Variants in PCDHGA11 observed in about 807,000 individuals in gnomAD.
The protein encoded by PCDHGA11 is protocadherin gamma subfamily A, 11.
Under a neutral mutation model 60.4 loss-of-function variants are expected in PCDHGA11, and 39 were observed. The observed-to-expected ratio is 0.65, with a 90% CI of 0.50 to 0.84. The LOEUF (loss-of-function observed/expected upper bound fraction) is 0.84. Ranked by LOEUF, PCDHGA11 falls within the 40% of genes least tolerant of loss-of-function variation. PCDHGA11 has a pLI of 0.00. For synonymous variants in PCDHGA11, 533 were observed against 510.3 expected (o/e 1.04, Z -0.60); for missense variants, 1,165 against 1,197.7 (o/e 0.97, Z 0.40).
rs770391604 is a variant in PCDHGA11, at chr5:141,431,437, G to A, written c.2433+7777G>A. On this transcript the variant is annotated intron_variant, in intron 1 of 3. Coordinates refer to ENST00000398587, the MANE Select transcript of PCDHGA11 (RefSeq NM_018914.3). The surrounding 1 kb of genome is among the most constrained non-coding windows in gnomAD (Gnocchi z 4.8). ...GCGACCCGGTGCGCACAGGCACCGC[G>A]CGCATCCGCGTGATGGTTCTGGATG... The A allele has an allele frequency of 7.4e-6, 12 of 1,613,710 alleles. No homozygotes were observed. In the East Asian group the frequency reaches 2.5e-4, roughly 33 times the overall value.
At position 141,491,052 on chromosome 5, in the gene PCDHGA11, G is replaced by A. The variant is rs2099707642; in HGVS notation, c.2434-3755G>A. ...ATGCTGATGCAGGCCACAATGCGTG[G>A]CTCTCCTACTCACTGTTGCCACAGT... On this transcript the variant is annotated intron_variant, in intron 1 of 3. Transcript: ENST00000398587. The surrounding 1 kb of genome is among the most constrained non-coding windows in gnomAD (Gnocchi z 6.9). 3.1e-6 allele frequency: 5 copies of A among 1,614,038 alleles called. No individual in the cohort carries two copies. The highest frequency in any genetic ancestry group is 4.2e-6 in the Non-Finnish European group (5 of 1,180,032).
At chr5:141,502,914 T>G (rs78646636) in intron 2 of PCDHGA11, among the ~76,000 whole-genome samples, 4,865 of 139,540 alleles carry the variant, frequency 0.035, 119 homozygotes, top group South Asian at 0.075. Flanking sequence ...CAGGCTGGAG[T>G]GCAGTGGCAA....
chr5:141,435,718 G>T (rs2097776232), intron 1 of PCDHGA11, among the ~76,000 whole-genome samples: 1 of 152,150 alleles, frequency 6.6e-6, no homozygotes, highest in African/African-American at 2.4e-5. Context: ...GACACTGAAT[G>T]CTAAAGTGTA....
rs1174072440 is a variant in PCDHGA11, at chr5:141,438,581, TACATACATAC to T, written c.2433+14923_2433+14932del. Among the ~76,000 whole-genome samples, 141 of 49,790 alleles carry T rather than the reference TACATACATAC, an allele frequency of 2.8e-3. 1 individual carries two copies. Among genetic ancestry groups the T allele is most frequent in the African/African-American group, 0.014 (97 of 6,866 alleles). 32.7% of individuals were successfully genotyped at this position (49,790 alleles called of 152,430 possible). A position where few individuals can be genotyped will look rare whatever the true frequency, so the allele number is the denominator to read the frequency against. On this transcript the variant is annotated intron_variant, in intron 1 of 3. Coordinates refer to ENST00000398587, the MANE Select transcript of PCDHGA11 (RefSeq NM_018914.3). ...GAGGCAGCTGTCTGATATACATACA[TACATACATAC>T]ATATATATATATATATATATATATA...
intron 3 of PCDHGA11, among the ~76,000 whole-genome samples, chr5:141,505,976 A>G (rs911235674): frequency 1.3e-5 from 2 of 152,136 alleles, no homozygotes; most frequent in Admixed American, 1.3e-4. Context: ...CCCAGCCGAG[A>G]GAACACCTCC....
Position 141,431,758 on chromosome 5 carries a change from C to T in PCDHGA11, c.2433+8098C>T. Reference sequence around the variant, plus strand: ...CAGGATATTCTGCGCGAGCCAAAGTCCTGATCACTGTTCTGGACGTGAACG... The same window carrying T: ...CAGGATATTCTGCGCGAGCCAAAGTTCTGATCACTGTTCTGGACGTGAACG... On this transcript the variant is annotated intron_variant, in intron 1 of 3. Transcript: ENST00000398587. This position sits in a 1 kb window ranked among gnomAD's most constrained non-coding sequence, Gnocchi z 4.8. 1.9e-6 allele frequency: 3 copies of T among 1,614,172 alleles called. No homozygotes were observed. The highest frequency in any genetic ancestry group is 1.7e-6 in the Non-Finnish European group (2 of 1,180,020).
intron 1 of PCDHGA11, among the ~76,000 whole-genome samples, chr5:141,466,183 T>G (rs145148468): frequency 2.0e-5 from 3 of 152,138 alleles, no homozygotes; most frequent in Middle Eastern, 3.4e-3. Flanking sequence ...TATTTTTATT[T>G]TTTTTCAGAC....
chr5:141,462,268 A>C (rs982301403), intron 1 of PCDHGA11, among the ~76,000 whole-genome samples: 3 of 152,196 alleles, frequency 2.0e-5, no homozygotes, highest in African/African-American at 7.2e-5. Flanking sequence ...CCTAAAGTGT[A>C]TTGTTTAGTC....
intron 1 of PCDHGA11, among the ~76,000 whole-genome samples, chr5:141,472,497 G>A (rs1196427013): frequency 1.3e-5 from 2 of 151,958 alleles, no homozygotes; most frequent in Non-Finnish European, 2.9e-5. Context: ...ACGAGATCGT[G>A]CCACTGCACT....
rs370704205 is a variant in PCDHGA11, at chr5:141,422,166, T to C, written c.939T>C (p.Tyr313=). 4.5e-6 allele frequency: 7 copies of C among 1,569,374 alleles called. No individual in the cohort carries two copies. In the South Asian group the frequency reaches 8.5e-5, roughly 19 times the overall value. ...GGGGGTCTCTGGATTTTGAAAAATA[T>C]AGATTCTATGAGATGGAAATTCAAG... The part of the protein sequence containing the change: ...QVRGSLDFEK[Y]RFYEMEIQGQ... The change falls in exon 1 of 4, where the codon TAT becomes TAC. Residue 313 remains tyrosine (Y), a synonymous_variant. Coordinates refer to ENST00000398587, the MANE Select transcript of PCDHGA11 (RefSeq NM_018914.3).
chr5:141,423,251 A>T lies in PCDHGA11; in HGVS notation c.2024A>T (p.Asp675Val). Residue 675 changes from aspartate (D) to valine (V), a missense_variant, in exon 1 of 4, where the codon GAC becomes GTC. Physicochemically the swap from Asp to Val is radical, Grantham distance 152. Coordinates refer to ENST00000398587, the MANE Select transcript of PCDHGA11 (RefSeq NM_018914.3). ...VADSIPEVLA[D>V]LGSLESLANS... ...GACAGCATCCCCGAAGTCCTGGCGG[A>T]CCTCGGCAGCCTCGAGTCTCTGGCT... 6.2e-7 allele frequency: 1 copy of T among 1,613,844 alleles called. No homozygotes were observed. Among genetic ancestry groups the T allele is most frequent in the East Asian group, 2.2e-5 (1 of 44,862 alleles).
rs2096739583 is a variant in PCDHGA11, at chr5:141,423,427, G to T, written c.2200G>T (p.Ala734Ser). 1 of 1,613,892 alleles carries T rather than the reference G, an allele frequency of 6.2e-7. No homozygotes were observed. The highest frequency in any genetic ancestry group is 8.5e-7 in the Non-Finnish European group (1 of 1,179,920). Residue 734 changes from alanine to serine, a missense_variant, in exon 1 of 4, where the codon GCA becomes TCA. Coordinates refer to ENST00000398587, the MANE Select transcript of PCDHGA11 (RefSeq NM_018914.3). ...GCTGCAGGCTTCTGAAGGCGGGTTG[G>T]CAGGTATGCCCACGTCACATTTTGT... ...RLLQASEGGL[A>S]GMPTSHFVGV...
Position 141,422,775 on chromosome 5 carries a change from T to G in PCDHGA11, c.1548T>G (p.Tyr516Ter), listed in dbSNP as rs1179216247. Reference protein sequence around the residue: ...VSINSNTGVLYALQSFDYEQF... With the variant: ...VSINSNTGVL ...TTAACTCCAACACTGGTGTTCTCTA[T>G]GCCCTACAATCCTTCGACTATGAGC... The change falls in exon 1 of 4, where the codon TAT becomes TAG. Residue 516 changes from tyrosine (Y) to a stop codon, truncating the protein, a stop_gained. Coordinates refer to ENST00000398587, the MANE Select transcript of PCDHGA11 (RefSeq NM_018914.3). LOFTEE classifies it high-confidence loss of function. The G allele has an allele frequency of 6.2e-7, 1 of 1,614,046 alleles. No homozygotes were observed. Among genetic ancestry groups the G allele is most frequent in the Non-Finnish European group, 8.5e-7 (1 of 1,179,916 alleles).
At chr5:141,449,156 G>T (rs4432943) in intron 1 of PCDHGA11, among the ~76,000 whole-genome samples, 84,481 of 151,978 alleles carry the variant, frequency 0.56, 26,202 homozygotes, top group African/African-American at 0.85. Context: ...GGTCAAAGAG[G>T]AAATAGGTGT....
Position 141,489,842 on chromosome 5 carries a change from A to T in PCDHGA11, c.2434-4965A>T. ...GAGCTGGTGCTAGAGCAGCAGCTGGATCGTGAAGCCCAGGCAAGACATCAG... is the reference window on the plus strand; with the variant it reads ...GAGCTGGTGCTAGAGCAGCAGCTGGTTCGTGAAGCCCAGGCAAGACATCAG... On this transcript the variant is annotated intron_variant, in intron 1 of 3. Coordinates refer to ENST00000398587, the MANE Select transcript of PCDHGA11 (RefSeq NM_018914.3). The surrounding 1 kb of genome is among the most constrained non-coding windows in gnomAD (Gnocchi z 4.5). 6.2e-7 allele frequency: 1 copy of T among 1,614,186 alleles called. No homozygotes were observed. Among genetic ancestry groups the T allele is most frequent in the South Asian group, 1.1e-5 (1 of 91,086 alleles).
chr5:141,442,870 T>A (rs942975420), intron 1 of PCDHGA11, among the ~76,000 whole-genome samples: 1 of 152,192 alleles, frequency 6.6e-6, no homozygotes, highest in African/African-American at 2.4e-5. Flanking sequence ...AGATGTAAAT[T>A]TACAACTCAG....
In PCDHGA11 at chr5:141,476,628, C is replaced by T. The variant is rs899753438; in HGVS notation, c.2434-18179C>T. 6.2e-6 allele frequency: 10 copies of T among 1,614,160 alleles called. No individual in the cohort carries two copies. The highest frequency in any genetic ancestry group is 7.6e-6 in the Non-Finnish European group (9 of 1,180,068). On this transcript the variant is annotated intron_variant, in intron 1 of 3. Coordinates refer to ENST00000398587, the MANE Select transcript of PCDHGA11 (RefSeq NM_018914.3). The surrounding 1 kb of genome is among the most constrained non-coding windows in gnomAD (Gnocchi z 7.6). ...GATGTGGGAAGCAACTCTTTACAAACCTATGAGCTGAGCCGAAATGAATAC... is the reference window on the plus strand; with the variant it reads ...GATGTGGGAAGCAACTCTTTACAAATCTATGAGCTGAGCCGAAATGAATAC...
At chr5:141,472,113 A>C (rs1296591849) in intron 1 of PCDHGA11, among the ~76,000 whole-genome samples, 1 of 152,260 alleles carries the variant, frequency 6.6e-6, no homozygotes, top group Non-Finnish European at 1.5e-5. Context: ...ATACATAAAG[A>C]AAATAAAAGA....
intron 1 of PCDHGA11, chr5:141,423,928 G>C: frequency 8.1e-7 from 1 of 1,236,850 alleles, no homozygotes; most frequent in Non-Finnish European, 1.0e-6. Flanking sequence ...ATGCTGGTTT[G>C]GTTTGAAGTA....
Sources: gnomAD v4.1 joint callset for allele counts (sites outside exome capture counted in the v4.1 genomes callset) on GRCh38, gnomAD v4.1.1 for gene constraint, Gnocchi (gnomAD v3.1) non-coding constraint, MANE v1.5 for transcripts, NCBI Gene and HGNC (gene_info 2026-07-23, HGNC 2026-07-21) for gene names.